Variants in EPS15L1 observed in about 807,000 individuals in gnomAD.
EPS15L1 encodes the protein epidermal growth factor receptor substrate 15-like 1.
Under a neutral mutation model 117.1 loss-of-function variants are expected in EPS15L1, and 43 were observed. The observed-to-expected ratio is 0.37, with a 90% CI of 0.29 to 0.47. The LOEUF is 0.47. EPS15L1 is among the 20% of genes least tolerant of loss of function. EPS15L1 has a pLI of 0.99. For synonymous variants in EPS15L1, 459 were observed against 470.5 expected (o/e 0.98, Z 0.32); for missense variants, 981 against 1,164.0 (o/e 0.84, Z 2.29).
chr19:16,434,551 G>A (rs986362325), intron 6 of EPS15L1, 61 bp from the exon 7 acceptor site: 21 of 1,558,706 alleles, frequency 1.3e-5, no homozygotes, highest in Non-Finnish European at 1.6e-5. Flanking sequence ...TGTCCAGACC[G>A]AGCTCTGACC....
At chr19:16,470,909 A>T (rs1163260518) in intron 1 of EPS15L1, among the ~76,000 whole-genome samples, 1 of 152,180 alleles carries the variant, frequency 6.6e-6, no homozygotes, top group Non-Finnish European at 1.5e-5. Context: ...CATAATCCCA[A>T]CACATTTTTA....
chr19:16,390,989 G>A (rs2092468397), intron 19 of EPS15L1, among the ~76,000 whole-genome samples: 1 of 152,068 alleles, frequency 6.6e-6, no homozygotes, highest in Non-Finnish European at 1.5e-5. Flanking sequence ...CCATCACAAA[G>A]CAAAAAATCA....
intron 13 of EPS15L1, 152 bp downstream of exon 13, chr19:16,413,621 A>T (rs1480120086): frequency 1.3e-6 from 1 of 783,982 alleles, no homozygotes. Flanking sequence ...CTGAAAAAAA[A>T]AAAAACAAAA....
chr19:16,372,172 G>A (rs1212333239), intron 22 of EPS15L1, among the ~76,000 whole-genome samples: 1 of 152,124 alleles, frequency 6.6e-6, no homozygotes, highest in Non-Finnish European at 1.5e-5. Flanking sequence ...TGGCCTTGAG[G>A]GCAGATGGCC....
chr19:16,461,305 TA>T (rs749124401), intron 1 of EPS15L1, among the ~76,000 whole-genome samples: 514 of 99,914 alleles, frequency 5.1e-3, no homozygotes, highest in Admixed American at 5.8e-3. Context: ...CTCCGTCTCT[TA>T]AAAAAAAAAA....
intron 22 of EPS15L1, among the ~76,000 whole-genome samples, chr19:16,369,290 C>T (rs780433515): frequency 2.6e-5 from 4 of 152,146 alleles, no homozygotes; most frequent in South Asian, 2.1e-4. Context: ...TCCCTGCGAT[C>T]GCAGCGTTGA....
intron 16 of EPS15L1, among the ~76,000 whole-genome samples, chr19:16,396,536 T>A (rs539817537): frequency 6.6e-6 from 1 of 152,314 alleles, no homozygotes; most frequent in East Asian, 1.9e-4. Flanking sequence ...CGTACTGGGA[T>A]TATAGGCATG....
chr19:16,444,945 C>CAA (rs2093069078), intron 1 of EPS15L1, among the ~76,000 whole-genome samples: 1 of 152,086 alleles, frequency 6.6e-6, no homozygotes, highest in African/African-American at 2.4e-5. Context: ...CAGGCTGGTC[C>CAA]TGACCTCAGG....
chr19:16,441,836 CG>C (rs1056208937), intron 3 of EPS15L1, 55 bp downstream of exon 3: 15 of 1,426,848 alleles, frequency 1.1e-5, no homozygotes, highest in Non-Finnish European at 1.5e-5. Flanking sequence ...CCCTGACCTG[CG>C]GGGGGAGCTG....
chr19:16,398,618 A>C (rs911998944), intron 16 of EPS15L1, among the ~76,000 whole-genome samples: 3 of 152,228 alleles, frequency 2.0e-5, no homozygotes, highest in Non-Finnish European at 4.4e-5. Flanking sequence ...CGAGTTAAGA[A>C]TGCCAGCTTG....
intron 9 of EPS15L1, among the ~76,000 whole-genome samples, 178 bp from the exon 10 acceptor site, chr19:16,421,654 C>A (rs573183183): frequency 6.6e-6 from 1 of 152,326 alleles, no homozygotes; most frequent in Non-Finnish European, 1.5e-5. Flanking sequence ...AAAACTGAGG[C>A]TGAGACAGGT....
chr19:16,437,821 G>A lies in EPS15L1; in HGVS notation c.258C>T (p.Gly86=), dbSNP rs376347457. ...TCAGATTGCTCAAGGTAACTTCATG[G>A]CCACTCTGTGCACAGGCCACCAGTC... is the stretch of plus-strand genomic sequence containing the variant. ...ALRLVACAQS[G]HEVTLSNLNL... The change falls in exon 5 of 24, where the codon GGC becomes GGT. Residue 86 remains glycine (G), a synonymous_variant. Transcript: ENST00000455140. 32 of 1,613,926 alleles carry A rather than the reference G, an allele frequency of 2.0e-5. No homozygotes were observed. The highest frequency in any genetic ancestry group is 2.7e-5 in the African/African-American group (2 of 74,890).
rs2091969543 is a variant in EPS15L1, at chr19:16,355,581, C to T, written c.*124G>A. On this transcript the variant is annotated 3_prime_UTR_variant, in exon 24 of 24. Coordinates refer to ENST00000455140, the MANE Select transcript of EPS15L1 (RefSeq NM_001258374.3). The stretch of plus-strand genomic sequence containing the variant: ...TGCAGCCGAGTCTGCTCACCCTGAA[C>T]AAGCCCCCGAGTCCCGGTCCTTGGA... 11 of 1,277,494 alleles carry T rather than the reference C, an allele frequency of 8.6e-6. No homozygotes were observed. The highest frequency in any genetic ancestry group is 1.2e-5 in the Non-Finnish European group (11 of 944,792). 79.1% of individuals were successfully genotyped at this position (1,277,494 alleles called of 1,614,324 possible).
chr19:16,454,470 A>T (rs902006150), intron 1 of EPS15L1, among the ~76,000 whole-genome samples: 1 of 152,232 alleles, frequency 6.6e-6, no homozygotes, highest in Non-Finnish European at 1.5e-5. Flanking sequence ...GTACTATGTC[A>T]GCATGAGCTG....
chr19:16,448,323 G>A (rs2093104757), intron 1 of EPS15L1, among the ~76,000 whole-genome samples: 3 of 151,956 alleles, frequency 2.0e-5, no homozygotes. Context: ...CAGAGTTTGG[G>A]AGTTCAAGAC....
At chr19:16,362,456 C>T (rs1359463352) in intron 22 of EPS15L1, among the ~76,000 whole-genome samples, 1 of 141,270 alleles carries the variant, frequency 7.1e-6, no homozygotes, top group African/African-American at 2.6e-5. Context: ...TATGGTTATT[C>T]GGTGTGTTAG....
intron 8 of EPS15L1, among the ~76,000 whole-genome samples, chr19:16,426,703 G>A (rs2092876641): frequency 6.6e-6 from 1 of 152,094 alleles, no homozygotes; most frequent in Non-Finnish European, 1.5e-5. Flanking sequence ...GAGCGATGGA[G>A]GAACTGTTCT....
intron 1 of EPS15L1, among the ~76,000 whole-genome samples, chr19:16,448,525 C>G (rs1031222415): frequency 6.0e-5 from 7 of 117,352 alleles, no homozygotes; most frequent in African/African-American, 2.5e-4. Flanking sequence ...GCAATAAGAG[C>G]AAAATTCCGT....
intron 1 of EPS15L1, among the ~76,000 whole-genome samples, chr19:16,466,344 T>C (rs942312161): frequency 2.0e-5 from 3 of 152,102 alleles, no homozygotes; most frequent in Non-Finnish European, 4.4e-5. Flanking sequence ...CTTTACTCAG[T>C]CCTTCCAGCC....
Sources: allele counts gnomAD v4.1 joint callset (sites outside exome capture counted in the v4.1 genomes callset), GRCh38; gene constraint gnomAD v4.1.1; transcripts MANE v1.5; gene names NCBI Gene and HGNC (gene_info 2026-07-23, HGNC 2026-07-21).